The following AAMDC variants were observed in gnomAD, a reference collection of about 807,000 sequenced individuals.
The protein encoded by AAMDC is adipogenesis associated Mth938 domain containing, also known as mth938 domain-containing protein.
A neutral mutation model predicts 15.5 loss-of-function variants in AAMDC; 16 were observed. That is an observed-to-expected ratio of 1.03 (90% confidence interval 0.70 to 1.57). The LOEUF (loss-of-function observed/expected upper bound fraction) is 1.57, where lower values mean the gene tolerates loss of function less well. Ranked by LOEUF, AAMDC falls within the 40% of genes most tolerant of loss-of-function variation. The pLI is 0.00. For synonymous variants in AAMDC, 51 were observed against 51.6 expected (o/e 0.99, Z 0.05); for missense variants, 141 against 144.9 (o/e 0.97, Z 0.14).
chr11:77,857,699 G>GT (rs780960090), intron 2 of AAMDC, among the ~76,000 whole-genome samples: 3,415 of 137,614 alleles, frequency 0.025, 50 homozygotes, highest in African/African-American at 0.047. Flanking sequence ...CAACTAAGTT[G>GT]TTTTTTTTTT....
intron 5 of AAMDC, among the ~76,000 whole-genome samples, chr11:77,878,475 A>G (rs1288344170): frequency 6.6e-6 from 1 of 152,214 alleles, no homozygotes; most frequent in East Asian, 1.9e-4. Flanking sequence ...AGGTTAACAC[A>G]TGTTTAAGGT....
intron 2 of AAMDC, 24 bp from the exon 3 acceptor site, chr11:77,869,694 CCTGT>C: frequency 6.3e-7 from 1 of 1,598,850 alleles, no homozygotes; most frequent in Non-Finnish European, 8.6e-7. Context: ...AGAGCAGGTA[CCTGT>C]CTACTTTCTC....
chr11:77,832,863 AAGAC>A, intron 1 of AAMDC, among the ~76,000 whole-genome samples: 1 of 151,244 alleles, frequency 6.6e-6, no homozygotes, highest in Non-Finnish European at 1.5e-5. Context: ...AGTATTGTGA[AAGAC>A]AGTTTTTCCA....
At chr11:77,850,545 G>T (rs545767330) in intron 2 of AAMDC, 1 of 152,086 alleles carries the variant, frequency 6.6e-6, no homozygotes, top group Admixed American at 6.6e-5. Context: ...AAGAATGAAG[G>T]TATAAAAATA....
chr11:77,851,137 T>C (rs577003185), intron 2 of AAMDC: 1 of 152,312 alleles, frequency 6.6e-6, no homozygotes, highest in Admixed American at 6.5e-5. Flanking sequence ...GTATTTTTAG[T>C]AGAGACAGGG....
chr11:77,867,960 T>C (rs2136291441), intron 2 of AAMDC, among the ~76,000 whole-genome samples: 1 of 152,308 alleles, frequency 6.6e-6, no homozygotes, highest in East Asian at 1.9e-4. Flanking sequence ...AATTTTAGCA[T>C]GCTATGCAAG....
intron 1 of AAMDC, among the ~76,000 whole-genome samples, chr11:77,824,484 A>G (rs1949077554): frequency 6.6e-6 from 1 of 152,218 alleles, no homozygotes; most frequent in Admixed American, 6.5e-5. Context: ...AAATACCAAA[A>G]AGTCAAAAAC....
At chr11:77,867,384 T>C (rs1017939776) in intron 2 of AAMDC, among the ~76,000 whole-genome samples, 3 of 152,196 alleles carry the variant, frequency 2.0e-5, no homozygotes, top group Non-Finnish European at 4.4e-5. Flanking sequence ...GTTTCCCACT[T>C]GGGTTTATTC....
At chr11:77,898,607 TATA>T (rs1282936026) in intron 5 of AAMDC, among the ~76,000 whole-genome samples, 7 of 152,208 alleles carry the variant, frequency 4.6e-5, no homozygotes, top group African/African-American at 1.7e-4. Context: ...TGCTGATAAA[TATA>T]AGTTCAATAT....
At chr11:77,876,331 T>C (rs1473523611), downstream of AAMDC, among the ~76,000 whole-genome samples, 1 of 151,980 alleles carries the variant, frequency 6.6e-6, no homozygotes. Flanking sequence ...TGGGCCTGCG[T>C]ATTCATTTGT....
At chr11:77,900,517 G>A in intron 5 of AAMDC, 1 of 617,676 alleles carries the variant, frequency 1.6e-6, no homozygotes, top group Non-Finnish European at 2.9e-6. Context: ...GTATGTTTCT[G>A]TGTTTAAGCA....
chr11:77,859,808 G>C (rs923536802), intron 2 of AAMDC, among the ~76,000 whole-genome samples: 2 of 152,204 alleles, frequency 1.3e-5, no homozygotes, highest in Non-Finnish European at 2.9e-5. Context: ...AAGAAATGTG[G>C]CTGGGTTAAG....
At chr11:77,866,477 C>T (rs1050049596) in intron 2 of AAMDC, 2 of 152,182 alleles carry the variant, frequency 1.3e-5, no homozygotes, top group Admixed American at 1.3e-4. Context: ...TCCACAGGCC[C>T]TTGCAGAGTT....
At chr11:77,830,759 A>G (rs571377780) in intron 1 of AAMDC, among the ~76,000 whole-genome samples, 1 of 152,224 alleles carries the variant, frequency 6.6e-6, no homozygotes, top group East Asian at 1.9e-4. Flanking sequence ...CATTTCACCA[A>G]AGAAAATATA....
chr11:77,850,105 CTG>C (rs1480887545), intron 2 of AAMDC, among the ~76,000 whole-genome samples: 4 of 152,192 alleles, frequency 2.6e-5, no homozygotes, highest in Non-Finnish European at 4.4e-5. Flanking sequence ...ATTAAACAAA[CTG>C]TTTTTATCCT....
chr11:77,841,159 C>T (rs1949914794), intron 1 of AAMDC: 2 of 700,776 alleles, frequency 2.9e-6, no homozygotes, highest in Non-Finnish European at 5.2e-6. Context: ...GAACCTACTA[C>T]TCCTGCAATA....
intron 1 of AAMDC, among the ~76,000 whole-genome samples, chr11:77,825,886 T>C (rs1396775734): frequency 6.6e-6 from 1 of 152,050 alleles, no homozygotes; most frequent in African/African-American, 2.4e-5. Flanking sequence ...GAGATGGGGT[T>C]TCACTACGTT....
chr11:77,827,544 A>G (rs1395355746), intron 1 of AAMDC, among the ~76,000 whole-genome samples: 2 of 152,236 alleles, frequency 1.3e-5, no homozygotes, highest in Non-Finnish European at 2.9e-5. Context: ...AGTCATCTCA[A>G]TAGATGCAGA....
At chr11:77,829,405 A>T (rs374775320) in intron 1 of AAMDC, among the ~76,000 whole-genome samples, 180 of 152,246 alleles carry the variant, frequency 1.2e-3, no homozygotes, top group African/African-American at 4.2e-3. Context: ...CTGAATAACA[A>T]ATAGCCATTT....
Sources: allele counts gnomAD v4.1 joint callset (sites outside exome capture counted in the v4.1 genomes callset), GRCh38; gene constraint gnomAD v4.1.1; transcripts MANE v1.5; gene names NCBI Gene and HGNC (gene_info 2026-07-23, HGNC 2026-07-21).